The following CAST variants were observed in gnomAD, a reference collection of about 807,000 sequenced individuals.
CAST encodes the protein MIR583 host.
CAST carries 76 observed loss-of-function variants against 119.6 expected under a neutral mutation model. The observed-to-expected ratio is 0.64, with a 90% CI of 0.53 to 0.77. The LOEUF is 0.77. Among genes scored for constraint, CAST ranks in the 30% least tolerant of loss-of-function variants. CAST has a pLI of 0.00. For synonymous variants in CAST, 319 were observed against 331.6 expected, an observed-to-expected ratio of 0.96 and a Z score of 0.41; for missense variants, 953 against 946.5, an observed-to-expected ratio of 1.01 and a Z score of -0.09.
chr5:96,071,966 T>C, the CAST span, among the ~76,000 whole-genome samples: 4 of 152,220 alleles, frequency 2.6e-5, no homozygotes, highest in African/African-American at 9.6e-5. Flanking sequence ...TCTACTTTTA[T>C]ATATGTTTAA....
At chr5:96,589,356 T>A (rs1297591002) in intron 1 of CAST, among the ~76,000 whole-genome samples, 1 of 152,200 alleles carries the variant, frequency 6.6e-6, no homozygotes, top group Non-Finnish European at 1.5e-5. Context: ...AGACGTATAT[T>A]TCATTTTCAA....
intron 3 of CAST, among the ~76,000 whole-genome samples, chr5:96,720,347 A>G (rs968447784): frequency 2.0e-5 from 3 of 152,274 alleles, no homozygotes; most frequent in Admixed American, 6.5e-5. Context: ...CGAAATTCAA[A>G]CAATGCAAAA....
the CAST span, chr5:96,426,022 T>G: frequency 2.7e-6 from 2 of 750,498 alleles, no homozygotes; most frequent in South Asian, 1.5e-5. Flanking sequence ...CCCATCAGAG[T>G]TCAGGCAGCT....
At chr5:96,304,095 A>G in the CAST span, among the ~76,000 whole-genome samples, 1 of 152,182 alleles carries the variant, frequency 6.6e-6, no homozygotes, top group African/African-American at 2.4e-5. Context: ...ATTTCTCCAC[A>G]TCTTCTCCAG....
the CAST span, among the ~76,000 whole-genome samples, chr5:96,442,461 T>A: frequency 6.6e-6 from 1 of 152,232 alleles, no homozygotes; most frequent in Non-Finnish European, 1.5e-5. Flanking sequence ...GCCCTATGTT[T>A]CTAGGTTTAT....
chr5:96,695,034 C>T (rs542982325), intron 2 of CAST, among the ~76,000 whole-genome samples: 2 of 152,240 alleles, frequency 1.3e-5, no homozygotes, highest in South Asian at 2.1e-4. Flanking sequence ...TCTCCCATAA[C>T]GTAACCCCCT....
the CAST span, among the ~76,000 whole-genome samples, chr5:96,404,232 AT>A: frequency 3.3e-5 from 5 of 152,198 alleles, no homozygotes; most frequent in Non-Finnish European, 7.3e-5. Flanking sequence ...TCTTTATAGC[AT>A]TTGTTTCTCA....
At chr5:96,258,907 C>A in the CAST span, among the ~76,000 whole-genome samples, 33 of 152,024 alleles carry the variant, frequency 2.2e-4, no homozygotes, top group Non-Finnish European at 3.7e-4. Context: ...TATAAAATGA[C>A]TAAGGGAGGT....
the CAST span, among the ~76,000 whole-genome samples, chr5:96,258,443 T>C: frequency 1.3e-5 from 2 of 152,232 alleles, no homozygotes; most frequent in Non-Finnish European, 1.5e-5. Flanking sequence ...CATTTTAAGA[T>C]AAATGCTTTT....
At chr5:96,673,934 TG>T (rs1285925408) in intron 1 of CAST, among the ~76,000 whole-genome samples, 1 of 152,216 alleles carries the variant, frequency 6.6e-6, no homozygotes, top group Non-Finnish European at 1.5e-5. Context: ...TTTCAGTGGA[TG>T]CCAATCACTA....
At chr5:96,072,457 T>G in the CAST span, among the ~76,000 whole-genome samples, 1 of 152,178 alleles carries the variant, frequency 6.6e-6, no homozygotes, top group Admixed American at 6.5e-5. Context: ...TTACAGGTGC[T>G]TCAGCCTTTC....
intron 1 of CAST, among the ~76,000 whole-genome samples, chr5:96,582,842 A>G (rs74638593): frequency 0.013 from 2,005 of 152,318 alleles, 60 homozygotes; most frequent in African/African-American, 0.046. Context: ...ATATTAATAT[A>G]TATTCTTATT....
intron 3 of CAST, among the ~76,000 whole-genome samples, chr5:96,705,811 C>T (rs747199141): frequency 2.0e-5 from 3 of 152,050 alleles, no homozygotes; most frequent in South Asian, 2.1e-4. Context: ...GTAGCTATGA[C>T]GTAGAAACTC....
chr5:96,226,921 A>C, the CAST span, among the ~76,000 whole-genome samples: 1 of 152,218 alleles, frequency 6.6e-6, no homozygotes, highest in Non-Finnish European at 1.5e-5. Flanking sequence ...TTTGCATGGT[A>C]GTTTTTAACA....
chr5:96,412,875 A>G, the CAST span: 3 of 818,288 alleles, frequency 3.7e-6, no homozygotes, highest in Non-Finnish European at 4.5e-6. Flanking sequence ...ATTGTTGTCA[A>G]TTACAAAATG....
At chr5:96,699,142 C>T (rs139032284) in intron 3 of CAST, among the ~76,000 whole-genome samples, 73 of 152,192 alleles carry the variant, frequency 4.8e-4, no homozygotes, top group Non-Finnish European at 7.6e-4. Flanking sequence ...GATGAGGCTG[C>T]GGAAATTATA....
chr5:96,082,737 C>T, the CAST span, among the ~76,000 whole-genome samples: 1 of 152,032 alleles, frequency 6.6e-6, no homozygotes, highest in South Asian at 2.1e-4. Context: ...CTTTATAATG[C>T]TGCCTGGATT....
chr5:96,682,620 T>C (rs932340603), intron 2 of CAST, among the ~76,000 whole-genome samples: 6 of 152,202 alleles, frequency 3.9e-5, no homozygotes, highest in Admixed American at 2.0e-4. Context: ...AATTTCTTTC[T>C]GATTACTCTT....
At chr5:96,573,676 G>A (rs1746613628) in intron 1 of CAST, among the ~76,000 whole-genome samples, 1 of 151,972 alleles carries the variant, frequency 6.6e-6, no homozygotes, top group African/African-American at 2.4e-5. Context: ...TAAATGCACA[G>A]TTTGGTGAAT....
Sources: allele counts gnomAD v4.1 joint callset (sites outside exome capture counted in the v4.1 genomes callset), GRCh38; gene constraint gnomAD v4.1.1; transcripts MANE v1.5; gene names NCBI Gene and HGNC (gene_info 2026-07-23, HGNC 2026-07-21).